The following SLC25A36 variants were observed in gnomAD, a reference collection of about 807,000 sequenced individuals.
The protein encoded by SLC25A36 is solute carrier family 25 member 36.
SLC25A36 carries 24 observed loss-of-function variants against 35.3 expected under a neutral mutation model. The ratio of observed to expected loss-of-function variants is 0.68; its 90% confidence interval spans 0.49 to 0.96. The LOEUF (loss-of-function observed/expected upper bound fraction) is 0.96. Ranked by LOEUF, SLC25A36 falls within the 40% of genes least tolerant of loss-of-function variation. SLC25A36 has a pLI of 0.00. For synonymous variants in SLC25A36, 141 were observed against 132.2 expected, an observed-to-expected ratio of 1.07 and a Z score of -0.46; for missense variants, 294 against 381.1, an observed-to-expected ratio of 0.77 and a Z score of 1.90.
chr3:140,964,361 A>G (rs1375481219), intron 4 of SLC25A36: 4 of 151,956 alleles, frequency 2.6e-5, no homozygotes, highest in Non-Finnish European at 5.9e-5. Flanking sequence ...GTGAAATACA[A>G]TCATTTACCA....
At chr3:140,944,101 G>A (rs560767365) in intron 1 of SLC25A36, among the ~76,000 whole-genome samples, 22 of 152,272 alleles carry the variant, frequency 1.4e-4, no homozygotes, top group South Asian at 1.0e-3. Context: ...ACATAAGTGA[G>A]TTCAGTAAAA....
At chr3:140,947,955 A>G (rs978092081) in intron 1 of SLC25A36, among the ~76,000 whole-genome samples, 3 of 152,024 alleles carry the variant, frequency 2.0e-5, no homozygotes, top group African/African-American at 7.2e-5. Context: ...GGTTTTTTTA[A>G]TTATTATTAT....
At chr3:140,971,429 A>T (rs1318574299) in intron 5 of SLC25A36, among the ~76,000 whole-genome samples, 1 of 152,200 alleles carries the variant, frequency 6.6e-6, no homozygotes, top group Non-Finnish European at 1.5e-5. Flanking sequence ...CTAGGCTGAC[A>T]GACAGTTCTC....
At position 140,973,986 on chromosome 3, in the gene SLC25A36, A is replaced by G; in HGVS notation, c.723A>G (p.Thr241=). The part of the protein sequence containing the change: ...LAAATSKTCA[T]TIAYPHEVVR... ...CTGCCACCTCAAAAACTTGTGCCAC[A>G]ACTATAGCATATCCACATGGTAAGA... Residue 241 remains threonine, a synonymous_variant, in exon 6 of 7, where the codon ACA becomes ACG. Coordinates refer to ENST00000324194, the MANE Select transcript of SLC25A36 (RefSeq NM_001104647.3). The G allele has an allele frequency of 6.4e-7, 1 of 1,567,840 alleles. No individual in the cohort carries two copies. The highest frequency in any genetic ancestry group is 8.7e-7 in the Non-Finnish European group (1 of 1,152,338).
At chr3:140,968,104 T>C (rs1444933930) in intron 4 of SLC25A36, 1 of 984,828 alleles carries the variant, frequency 1.0e-6, no homozygotes, top group Non-Finnish European at 1.2e-6. Context: ...TATATAATGC[T>C]AAGTTACGAT....
At chr3:140,969,060 TATTTA>T (rs1435595233) in intron 4 of SLC25A36, among the ~76,000 whole-genome samples, 1 of 151,880 alleles carries the variant, frequency 6.6e-6, no homozygotes, top group African/African-American at 2.4e-5. Context: ...CTATTACAAA[TATTTA>T]AGTTTACAAA....
chr3:140,946,312 C>G (rs1934163878), intron 1 of SLC25A36, among the ~76,000 whole-genome samples: 1 of 152,172 alleles, frequency 6.6e-6, no homozygotes, highest in Non-Finnish European at 1.5e-5. Context: ...ACAAAAGGAA[C>G]TAGCCCCAGT....
At chr3:140,968,963 A>G (rs998330036) in intron 4 of SLC25A36, among the ~76,000 whole-genome samples, 6 of 151,874 alleles carry the variant, frequency 4.0e-5, no homozygotes, top group African/African-American at 1.4e-4. Flanking sequence ...AAAAATCATT[A>G]TAGTGATGCA....
chr3:140,963,363 T>C, intron 4 of SLC25A36, 136 bp downstream of exon 4: 1 of 596,176 alleles, frequency 1.7e-6, no homozygotes, highest in East Asian at 3.2e-5. Context: ...TTTATCGATA[T>C]AAACCAAATT....
In SLC25A36 at chr3:140,978,977, G is replaced by T. The variant is rs1425219887; in HGVS notation, c.*2524G>T. ...GTTTATCATGACTTTTTTATTTCTG[G>T]TGTAGAGTCCACATTATTTAGTTTG... On this transcript the variant is annotated 3_prime_UTR_variant, in exon 7 of 7. Transcript: ENST00000324194. The T allele has an allele frequency of 1.3e-5, 2 of 151,964 alleles. No individual in the cohort carries two copies. The highest frequency in any genetic ancestry group is 2.4e-5 in the African/African-American group (1 of 41,370). The allele number at this position is 151,964 out of a possible 1,614,324, so 9.4% of individuals were successfully genotyped here. A position where few individuals can be genotyped will look rare whatever the true frequency, so the allele number is the denominator to read the frequency against.
At position 140,941,948 on chromosome 3, in the gene SLC25A36, G is replaced by C. The variant is rs1451047681; in HGVS notation, c.-107G>C. The C allele has an allele frequency of 3.2e-6, 2 of 629,914 alleles. No homozygotes were observed. The highest frequency in any genetic ancestry group is 2.1e-5 in the South Asian group (1 of 47,734). 39.0% of individuals were successfully genotyped at this position (629,914 alleles called of 1,614,324 possible). ...CGCATCTCGGCCAGCTCTCCTCGCCGTCCCCGGGGCGCTGTGCGTCTCCAG... is the reference window on the plus strand; with the variant it reads ...CGCATCTCGGCCAGCTCTCCTCGCCCTCCCCGGGGCGCTGTGCGTCTCCAG... On this transcript the variant is annotated 5_prime_UTR_variant, in exon 1 of 7. Coordinates refer to ENST00000324194, the MANE Select transcript of SLC25A36 (RefSeq NM_001104647.3).
chr3:140,966,330 C>T (rs757665455), intron 4 of SLC25A36: 2 of 331,482 alleles, frequency 6.0e-6, no homozygotes, highest in South Asian at 2.5e-5. Flanking sequence ...AACATTCTTC[C>T]TGTTTTTTGT....
At position 140,956,566 on chromosome 3, in the gene SLC25A36, G is replaced by A; in HGVS notation, c.81G>A (p.Leu27=). Residue 27 remains leucine (L), a synonymous_variant, in exon 2 of 7, where the codon CTG becomes CTA. Coordinates refer to ENST00000324194, the MANE Select transcript of SLC25A36 (RefSeq NM_001104647.3). ...TGGGAGCTATTCTGACATGTCCACTGGAAGTTGTAAAAACACGACTGCAGT... is the reference window on the plus strand; with the variant it reads ...TGGGAGCTATTCTGACATGTCCACTAGAAGTTGTAAAAACACGACTGCAGT... The part of the protein sequence containing the change: ...GTVGAILTCP[L]EVVKTRLQSS... The A allele has an allele frequency of 6.2e-7, 1 of 1,611,242 alleles. No individual in the cohort carries two copies. Among genetic ancestry groups the A allele is most frequent in the Non-Finnish European group, 8.5e-7 (1 of 1,179,476 alleles).
In SLC25A36 at chr3:140,942,061, C is replaced by A. The variant is rs1576472975; in HGVS notation, c.7C>A (p.Gln3Lys). The A allele has an allele frequency of 1.3e-6, 2 of 1,492,612 alleles. No homozygotes were observed. The highest frequency in any genetic ancestry group is 1.2e-5 in the South Asian group (1 of 81,176). 92.5% of individuals were successfully genotyped at this position (1,492,612 alleles called of 1,614,324 possible). Residue 3 changes from glutamine to lysine, a missense_variant, in exon 1 of 7, where the codon CAG (glutamine) becomes AAG (lysine). Gln to Lys is a moderately conservative substitution (Grantham distance 53). Around this residue, in one of 2 missense-constraint regions of SLC25A36, gnomAD observed 185 missense variants for 201.5 expected, o/e 0.92. Transcript: ENST00000324194. MS[Q>K]RDTLVHLFAG... ...AGGACATGCGGGAGAGAGAATGAGCCAGAGGGACACGCTGGTGCATCTGTT... is the reference window on the plus strand; with the variant it reads ...AGGACATGCGGGAGAGAGAATGAGCAAGAGGGACACGCTGGTGCATCTGTT...
At chr3:140,946,007 T>C (rs1182676859) in intron 1 of SLC25A36, among the ~76,000 whole-genome samples, 1 of 152,132 alleles carries the variant, frequency 6.6e-6, no homozygotes, top group African/African-American at 2.4e-5. Flanking sequence ...AATATAACAG[T>C]ATGAAAAGTT....
chr3:140,951,130 T>G (rs1243161805), intron 1 of SLC25A36, among the ~76,000 whole-genome samples: 1 of 152,206 alleles, frequency 6.6e-6, no homozygotes, highest in African/African-American at 2.4e-5. Flanking sequence ...TTCTTCCTCT[T>G]TACTAAGTTG....
intron 1 of SLC25A36, among the ~76,000 whole-genome samples, chr3:140,944,812 A>T (rs903557439): frequency 2.6e-5 from 4 of 152,150 alleles, no homozygotes; most frequent in Admixed American, 6.5e-5. Flanking sequence ...CTCAATCATT[A>T]TTATTTATTC....
In SLC25A36 at chr3:140,941,880, C is replaced by G; in HGVS notation, c.-175C>G. 1 of 503,472 alleles carries G rather than the reference C, an allele frequency of 2.0e-6. No individual in the cohort carries two copies. The highest frequency in any genetic ancestry group is 3.6e-6 in the Non-Finnish European group (1 of 280,682). 31.2% of individuals were successfully genotyped at this position (503,472 alleles called of 1,614,324 possible). A position where few individuals can be genotyped will look rare whatever the true frequency, so the allele number is the denominator to read the frequency against. On this transcript the variant is annotated 5_prime_UTR_variant, in exon 1 of 7. Coordinates refer to ENST00000324194, the MANE Select transcript of SLC25A36 (RefSeq NM_001104647.3). ...CGCGCTTAGGCAGGCGGTGGCGCGG[C>G]TGGAGTGCCGCGGGGAGGGCTGTGC...
chr3:140,955,032 A>G (rs1421388756), intron 1 of SLC25A36, among the ~76,000 whole-genome samples: 4 of 152,088 alleles, frequency 2.6e-5, no homozygotes, highest in African/African-American at 9.7e-5. Context: ...ACTGTGAGGT[A>G]AGGGGCATGT....
Sources: allele counts gnomAD v4.1 joint callset (sites outside exome capture counted in the v4.1 genomes callset), GRCh38; gene constraint gnomAD v4.1.1; regional missense constraint gnomAD v4.1.1; transcripts MANE v1.5; gene names NCBI Gene and HGNC (gene_info 2026-07-23, HGNC 2026-07-21).